MALT1: variants seen among roughly 807,000 people sequenced by gnomAD.
The protein encoded by MALT1 is mucosa-associated lymphoid tissue lymphoma translocation protein 1.
A neutral mutation model predicts 85.5 loss-of-function variants in MALT1; 36 were observed. The ratio of observed to expected loss-of-function variants is 0.42; its 90% CI spans 0.32 to 0.56. The LOEUF (loss-of-function observed/expected upper bound fraction) is 0.56, where lower values mean the gene tolerates loss of function less well. Among genes scored for constraint, MALT1 ranks in the 20% least tolerant of loss-of-function variants. MALT1 has a pLI of 0.10. For missense variants in MALT1, 716 were observed against 981.6 expected, an observed-to-expected ratio of 0.73 and a Z score of 3.62; for synonymous variants, 359 against 361.3, an observed-to-expected ratio of 0.99 and a Z score of 0.07.
chr18:58,679,551 GT>G (rs1568121485), intron 1 of MALT1, among the ~76,000 whole-genome samples: 1 of 152,172 alleles, frequency 6.6e-6, no homozygotes, highest in Non-Finnish European at 1.5e-5. Context: ...AAGTACTTTG[GT>G]TTTTTTCTTT....
chr18:58,690,424 G>T, intron 2 of MALT1: 1 of 156,616 alleles, frequency 6.4e-6, no homozygotes, highest in South Asian at 1.8e-4. Context: ...GGAGCTTCGG[G>T]GCCCCGAGAG....
chr18:58,738,160 C>T (rs796751884), intron 13 of MALT1, among the ~76,000 whole-genome samples: 13 of 152,054 alleles, frequency 8.5e-5, no homozygotes, highest in African/African-American at 2.4e-4. Flanking sequence ...ATTCCTTTTT[C>T]GTTTTACATA....
At position 58,744,482 on chromosome 18, in the gene MALT1, C is replaced by T. The variant is rs776118428; in HGVS notation, c.1898C>T (p.Thr633Ile). ...PEIIMCDAYV[T>I]DFPLDLDIDP... ...ATAATAATGTGTGATGCCTACGTTA[C>T]TGATTTTCCACTTGTGAGTCTCTTC... Residue 633 changes from threonine (T) to isoleucine (I), a missense_variant, in exon 15 of 17, where the codon ACT (threonine) becomes ATT (isoleucine). Around this residue, in one of 4 missense-constraint regions of MALT1, gnomAD observed 260 missense variants for 323.7 expected, o/e 0.80. Coordinates refer to ENST00000649217, the MANE Select transcript of MALT1 (RefSeq NM_006785.4). 55 of 1,599,230 alleles carry T rather than the reference C, an allele frequency of 3.4e-5. No homozygotes were observed. The highest frequency in any genetic ancestry group is 4.6e-5 in the Non-Finnish European group (54 of 1,172,410).
rs2055395259 is a variant in MALT1 at position 58,748,030 on chromosome 18, C to T, written c.*188C>T. On this transcript the variant is annotated 3_prime_UTR_variant, in exon 17 of 17. Transcript: ENST00000649217. Reference sequence around the variant, plus strand: ...TTATTTAATTACAGACTTCCTCTTTCTAAGATTTTGTGAATTGGTTGAATA... The same window carrying T: ...TTATTTAATTACAGACTTCCTCTTTTTAAGATTTTGTGAATTGGTTGAATA... 8.7e-6 allele frequency: 5 copies of T among 573,310 alleles called. No individual in the cohort carries two copies. In the South Asian group the frequency reaches 1.0e-4, roughly 12 times the overall value. The allele number at this position is 573,310 out of a possible 1,614,324, so 35.5% of individuals were successfully genotyped here.
chr18:58,702,177 A>G (rs2054681373), intron 4 of MALT1, among the ~76,000 whole-genome samples: 1 of 147,476 alleles, frequency 6.8e-6, no homozygotes, highest in Non-Finnish European at 1.5e-5. Flanking sequence ...GTTCAAGACC[A>G]TGCTGGGCAA....
At position 58,717,301 on chromosome 18, in the gene MALT1, T is replaced by C. The variant is rs896927996; in HGVS notation, c.1018+1334T>C. Among the ~76,000 whole-genome samples, 11 of 150,656 alleles carry C rather than the reference T, an allele frequency of 7.3e-5. 1 individual carries two copies. Among genetic ancestry groups the C allele is most frequent in the Admixed American group, 7.3e-4 (11 of 15,132 alleles). Reference sequence around the variant, plus strand: ...TCTCTTGAACCCGAGAGGTGGAGGTTGTGGTGAGCTGAGATCGTGCCATTG... The same window carrying C: ...TCTCTTGAACCCGAGAGGTGGAGGTCGTGGTGAGCTGAGATCGTGCCATTG... On this transcript the variant is annotated intron_variant, in intron 9 of 16. Transcript: ENST00000649217.
chr18:58,671,788 C>T lies in MALT1; in HGVS notation c.145C>T (p.Pro49Ser). 8.0e-7 allele frequency: 1 copy of T among 1,252,196 alleles called. No individual in the cohort carries two copies. The highest frequency in any genetic ancestry group is 1.0e-6 in the Non-Finnish European group (1 of 999,656). 77.6% of individuals were successfully genotyped at this position (1,252,196 alleles called of 1,614,324 possible). A position where few individuals can be genotyped will look rare whatever the true frequency, so the allele number is the denominator to read the frequency against. The change falls in exon 1 of 17, where the codon CCC becomes TCC. Residue 49 changes from proline (P) to serine (S), a missense_variant. By Grantham distance (74) the Pro-to-Ser change is moderately conservative. Transcript: ENST00000649217. ...RRLSELLDQA[P>S]EGRGWRRLAE... ...GCTCAGCGAGCTCCTGGATCAGGCG[C>T]CCGAGGGCCGGGGCTGGAGGAGACT...
At chr18:58,731,427 C>A (rs1010974082) in intron 10 of MALT1, among the ~76,000 whole-genome samples, 8 of 152,170 alleles carry the variant, frequency 5.3e-5, no homozygotes, top group Non-Finnish European at 8.8e-5. Context: ...ATTTTTAAAA[C>A]CCTATCTGTG....
intron 10 of MALT1, among the ~76,000 whole-genome samples, chr18:58,726,429 AG>A (rs1483224416): frequency 6.6e-6 from 1 of 152,154 alleles, no homozygotes; most frequent in Non-Finnish European, 1.5e-5. Flanking sequence ...TGATATTACC[AG>A]GGGACTCAGT....
intron 4 of MALT1, among the ~76,000 whole-genome samples, chr18:58,704,351 A>C (rs1458084986): frequency 2.0e-5 from 3 of 152,150 alleles, no homozygotes; most frequent in Admixed American, 2.0e-4. Context: ...GTTAGCTCTT[A>C]TTGATGAATT....
chr18:58,715,283 T>G (rs1383509574), intron 8 of MALT1, among the ~76,000 whole-genome samples: 2 of 152,200 alleles, frequency 1.3e-5, no homozygotes, highest in Non-Finnish European at 2.9e-5. Context: ...TTCTAAAATT[T>G]TCCTGGCCCT....
rs532752968 is a variant in MALT1, at chr18:58,749,972, G to A, written c.*2130G>A. The A allele has an allele frequency of 9.7e-6, 2 of 205,964 alleles. No individual in the cohort carries two copies. The highest frequency in any genetic ancestry group is 1.5e-4 in the East Asian group (2 of 13,328). 12.8% of individuals were successfully genotyped at this position (205,964 alleles called of 1,614,324 possible). A position where few individuals can be genotyped will look rare whatever the true frequency, so the allele number is the denominator to read the frequency against. On this transcript the variant is annotated 3_prime_UTR_variant, in exon 17 of 17. Transcript: ENST00000649217. ...CTTGAAGTTCTAGCCACAGCAGTTA[G>A]GTTAGGAATTCAAGGTTTGTTCAAC... is the stretch of plus-strand genomic sequence containing the variant.
chr18:58,729,642 C>G (rs1386400249), intron 10 of MALT1, among the ~76,000 whole-genome samples: 2 of 152,014 alleles, frequency 1.3e-5, no homozygotes, highest in African/African-American at 4.8e-5. Context: ...GCAGAAATCA[C>G]TTAAAGTTGT....
chr18:58,683,567 ATTTAC>A (rs1448668669), intron 2 of MALT1, among the ~76,000 whole-genome samples: 1 of 152,212 alleles, frequency 6.6e-6, no homozygotes, highest in African/African-American at 2.4e-5. Flanking sequence ...TGAGTCATAT[ATTTAC>A]TTAGGTGTAA....
intron 4 of MALT1, among the ~76,000 whole-genome samples, chr18:58,706,322 A>G (rs940350767): frequency 6.6e-6 from 1 of 152,098 alleles, no homozygotes; most frequent in East Asian, 1.9e-4. Flanking sequence ...GTGCCCGGGT[A>G]ATTTTTGTAT....
chr18:58,722,711 C>G (rs879598037), intron 9 of MALT1, among the ~76,000 whole-genome samples: 1 of 152,100 alleles, frequency 6.6e-6, no homozygotes, highest in Non-Finnish European at 1.5e-5. Flanking sequence ...CTCCAAAAGT[C>G]TAGTTGAATA....
rs148933476 is a variant in MALT1 at position 58,687,820 on chromosome 18, G to C, written c.376+6484G>C. On this transcript the variant is annotated intron_variant, in intron 2 of 16. Coordinates refer to ENST00000649217, the MANE Select transcript of MALT1 (RefSeq NM_006785.4). ...AATTTCAGCAGGGTTTTAAATTTTT[G>C]TTTTATTGCTTAATAGCATGTACTT... Among the ~76,000 whole-genome samples the C allele has an allele frequency of 3.4e-3, 511 of 152,238 alleles. 2 individuals carry two copies. Among genetic ancestry groups the C allele is most frequent in the African/African-American group, 0.012 (489 of 41,564 alleles).
intron 9 of MALT1, among the ~76,000 whole-genome samples, chr18:58,716,539 T>C (rs759883413): frequency 2.6e-5 from 4 of 152,196 alleles, no homozygotes; most frequent in Non-Finnish European, 4.4e-5. Context: ...AATTTGTCCA[T>C]TGGATTCAGC....
At chr18:58,707,924 C>T (rs1279035859) in intron 4 of MALT1, among the ~76,000 whole-genome samples, 3 of 152,196 alleles carry the variant, frequency 2.0e-5, no homozygotes, top group African/African-American at 7.2e-5. Context: ...CTCTGTTTTA[C>T]AGCTCTAGTG....
Sources: gnomAD v4.1 joint callset for allele counts (sites outside exome capture counted in the v4.1 genomes callset) on GRCh38, gnomAD v4.1.1 for gene constraint, gnomAD v4.1.1 regional missense constraint, MANE v1.5 for transcripts, NCBI Gene and HGNC (gene_info 2026-07-23, HGNC 2026-07-21) for gene names.